BCAR3: variants seen among roughly 807,000 people sequenced by gnomAD.
BCAR3 encodes BCAR3 adaptor protein, NSP family member, also known as breast cancer anti-estrogen resistance protein 3.
A neutral mutation model predicts 80.1 loss-of-function variants in BCAR3; 37 were observed. The observed-to-expected ratio is 0.46, with a 90% confidence interval of 0.36 to 0.61. The LOEUF is 0.61. Ranked by LOEUF, BCAR3 falls within the 20% of genes least tolerant of loss-of-function variation. BCAR3 has a pLI of 0.00. For synonymous variants in BCAR3, 389 were observed against 418.9 expected, an observed-to-expected ratio of 0.93 and a Z score of 0.87; for missense variants, 978 against 1,068.2, an observed-to-expected ratio of 0.92 and a Z score of 1.18.
Position 93,692,209 on chromosome 1 carries a change from G to A in BCAR3, c.-12+13883C>T, listed in dbSNP as rs1040646861. On this transcript the variant is annotated intron_variant, in intron 3 of 13. Coordinates refer to the BCAR3 transcript ENST00000370244. ...CACAGCAAGCTGGAGGGCTGCAAGA[G>A]GCTGTCAGTTTGGCCCTTTCCTCTC... Among the ~76,000 whole-genome samples, 3 of 152,174 alleles carry A rather than the reference G, an allele frequency of 2.0e-5. No individual in the cohort carries two copies. The South Asian group carries it at 6.2e-4, about 32-fold the overall frequency.
At chr1:93,789,522 G>C (rs558093690) in intron 2 of BCAR3, among the ~76,000 whole-genome samples, 1 of 152,326 alleles carries the variant, frequency 6.6e-6, no homozygotes, top group East Asian at 1.9e-4. Flanking sequence ...ATATTTATTA[G>C]ATAATCTGGA....
intron 2 of BCAR3, among the ~76,000 whole-genome samples, chr1:93,813,920 C>G (rs1300314160): frequency 1.3e-5 from 2 of 152,156 alleles, no homozygotes; most frequent in Non-Finnish European, 2.9e-5. Flanking sequence ...TTCTGCCTTT[C>G]TTTGACTTTT....
At chr1:93,713,533 C>T (rs557064466) in intron 2 of BCAR3, among the ~76,000 whole-genome samples, 1 of 152,274 alleles carries the variant, frequency 6.6e-6, no homozygotes, top group South Asian at 2.1e-4. Flanking sequence ...GAAATGTGCT[C>T]ATTTCAGGGT....
At chr1:93,684,670 T>C (rs1203709921), upstream of BCAR3, among the ~76,000 whole-genome samples, 2 of 152,228 alleles carry the variant, frequency 1.3e-5, no homozygotes, top group Non-Finnish European at 2.9e-5. Flanking sequence ...GTATGCCTAC[T>C]GTGTGCCAAG....
chr1:93,789,069 C>T (rs957384411), intron 2 of BCAR3, among the ~76,000 whole-genome samples: 5 of 152,052 alleles, frequency 3.3e-5, no homozygotes, highest in Non-Finnish European at 7.4e-5. Flanking sequence ...GATCCTAGCT[C>T]ACTATAACCT....
At chr1:93,671,563 G>A (rs985514224) in intron 2 of BCAR3, among the ~76,000 whole-genome samples, 5 of 151,926 alleles carry the variant, frequency 3.3e-5, no homozygotes, top group Non-Finnish European at 5.9e-5. Flanking sequence ...AATTCACTAC[G>A]AAAAGAAAAA....
At chr1:93,651,106 A>G (rs1233620347) in intron 2 of BCAR3, among the ~76,000 whole-genome samples, 1 of 152,244 alleles carries the variant, frequency 6.6e-6, no homozygotes, top group Non-Finnish European at 1.5e-5. Flanking sequence ...CTGAAGCCAC[A>G]TAACATGGGA....
intron 2 of BCAR3, among the ~76,000 whole-genome samples, chr1:93,755,889 T>A (rs1488019228): frequency 6.6e-6 from 1 of 152,156 alleles, no homozygotes; most frequent in East Asian, 1.9e-4. Flanking sequence ...TTTTGTTGTG[T>A]CCCATCTCGA....
intron 2 of BCAR3, among the ~76,000 whole-genome samples, chr1:93,717,806 A>T (rs1650243260): frequency 6.6e-6 from 1 of 151,728 alleles, no homozygotes; most frequent in Non-Finnish European, 1.5e-5. Flanking sequence ...TTTCCTTTGC[A>T]GGGTTGTTAT....
At chr1:93,714,102 C>G (rs1267107168) in intron 2 of BCAR3, among the ~76,000 whole-genome samples, 2 of 152,154 alleles carry the variant, frequency 1.3e-5, no homozygotes, top group Non-Finnish European at 2.9e-5. Context: ...CCTGCCTCAG[C>G]CTCCCGAGTA....
chr1:93,679,032 T>C (rs1472121796), intron 1 of BCAR3, among the ~76,000 whole-genome samples: 2 of 152,232 alleles, frequency 1.3e-5, no homozygotes, highest in Admixed American at 6.5e-5. Context: ...ACTCAGAACC[T>C]AGGCTTTGGA....
chr1:93,779,737 T>C (rs1652700412), intron 2 of BCAR3, among the ~76,000 whole-genome samples: 1 of 152,186 alleles, frequency 6.6e-6, no homozygotes, highest in South Asian at 2.1e-4. Flanking sequence ...ATGCACGTAC[T>C]CCTGGATAGC....
intron 2 of BCAR3, among the ~76,000 whole-genome samples, chr1:93,734,091 C>T (rs1650896159): frequency 6.6e-6 from 1 of 152,296 alleles, no homozygotes; most frequent in African/African-American, 2.4e-5. Flanking sequence ...AATAATAATA[C>T]ACATTCGTAA....
At chr1:93,582,211 C>T in intron 7 of BCAR3, 90 bp downstream of exon 7, 1 of 1,493,730 alleles carries the variant, frequency 6.7e-7, no homozygotes, top group Non-Finnish European at 9.0e-7. Flanking sequence ...CCCCTCCTTC[C>T]AAACCTACAA....
rs1553224749 is a variant in BCAR3, at chr1:93,562,232, G to C, written c.*9C>G. On this transcript the variant is annotated 3_prime_UTR_variant, in exon 12 of 12. Coordinates refer to ENST00000260502, the MANE Select transcript of BCAR3 (RefSeq NM_003567.4). ...TGAAAAGATATTCTAAAGGTTCTCT[G>C]GAGAGTTATCAAAGCTCTGCCTGCT... 6 of 1,611,074 alleles carry C rather than the reference G, an allele frequency of 3.7e-6. No homozygotes were observed. In the South Asian group the frequency reaches 6.6e-5, roughly 18 times the overall value.
chr1:93,675,704 G>T (rs898604333), intron 1 of BCAR3, among the ~76,000 whole-genome samples: 4 of 151,984 alleles, frequency 2.6e-5, no homozygotes, highest in African/African-American at 4.8e-5. Context: ...GAAAAAAAAT[G>T]GTGGGGGGCA....
chr1:93,753,030 C>T (rs1366378850), intron 2 of BCAR3: 1 of 152,158 alleles, frequency 6.6e-6, no homozygotes, highest in Non-Finnish European at 1.5e-5. Context: ...AAGTTAATCT[C>T]TCTAATGATA....
chr1:93,625,177 C>T (rs1187560519), intron 3 of BCAR3, among the ~76,000 whole-genome samples: 1 of 152,214 alleles, frequency 6.6e-6, no homozygotes, highest in South Asian at 2.1e-4. Context: ...CACCACTGCA[C>T]TCCAGCCTGG....
intron 2 of BCAR3, among the ~76,000 whole-genome samples, chr1:93,655,513 G>A (rs531347889): frequency 3.3e-5 from 5 of 152,254 alleles, no homozygotes; most frequent in African/African-American, 1.2e-4. Flanking sequence ...TCTTTCCAAG[G>A]AAACTAAGTA....
Sources: allele counts gnomAD v4.1 joint callset (sites outside exome capture counted in the v4.1 genomes callset), GRCh38; gene constraint gnomAD v4.1.1; transcripts MANE v1.5; gene names NCBI Gene and HGNC (gene_info 2026-07-23, HGNC 2026-07-21).